Variants in DST observed in about 807,000 individuals in gnomAD.
DST encodes the protein bullous pemphigoid antigen.
Under a neutral mutation model 875.2 loss-of-function variants are expected in DST, and 253 were observed. The observed-to-expected ratio is 0.29, with a 90% CI of 0.26 to 0.32. DST has a LOEUF of 0.32. Among genes scored for constraint, DST ranks in the 10% least tolerant of loss-of-function variants. The pLI, the probability that DST is intolerant of heterozygous loss-of-function variation, is 1.00. For missense variants in DST, 8,287 were observed against 9,111.6 expected, an observed-to-expected ratio of 0.91 and a Z score of 3.68; for synonymous variants, 3,124 against 3,197.1, an observed-to-expected ratio of 0.98 and a Z score of 0.77.
chr6:56,782,610 G>C (rs866971427), intron 4 of DST, among the ~76,000 whole-genome samples: 72 of 151,972 alleles, frequency 4.7e-4, no homozygotes, highest in African/African-American at 1.4e-3. Flanking sequence ...TGATTCTTCT[G>C]TCTTTTTTTC....
rs765285817 is a variant in DST, at chr6:56,470,137, G to A, written c.22467C>T (p.Ile7489=). The A allele has an allele frequency of 2.1e-5, 34 of 1,612,198 alleles. No homozygotes were observed. Among genetic ancestry groups the A allele is most frequent in the African/African-American group, 2.7e-5 (2 of 74,982 alleles). ...AYKPITDADK[I]EDEVTRQVAK... is the part of the protein sequence containing the mutation. ...GGAAGATAATGAGTACCTCATCTTC[G>A]ATTTTGTCGGCATCTGTGATAGGTT... Residue 7489 remains isoleucine, a synonymous_variant, in exon 96 of 104, where the codon ATC becomes ATT. Transcript: ENST00000680361.
chr6:56,833,640 G>T (rs1200184846), intron 4 of DST, among the ~76,000 whole-genome samples: 4 of 151,952 alleles, frequency 2.6e-5, no homozygotes, highest in Admixed American at 2.0e-4. Context: ...AAAGCAAACT[G>T]TCAGATTGCT....
At position 56,516,644 on chromosome 6, in the gene DST, T is replaced by C. The variant is rs533371659; in HGVS notation, c.18357+554A>G. On this transcript the variant is annotated intron_variant, in intron 71 of 103. Coordinates refer to ENST00000680361, the MANE Select transcript of DST (RefSeq NM_001374736.1). ...CATCAATTTCTTCAGGCTGCTTAGA[T>C]GTCTGAATATGAATTGAACATTTTT... Among the ~76,000 whole-genome samples, 9 of 152,298 alleles carry C rather than the reference T, an allele frequency of 5.9e-5. No individual in the cohort carries two copies. In the East Asian group the frequency reaches 9.6e-4, roughly 16 times the overall value.
intron 4 of DST, among the ~76,000 whole-genome samples, chr6:56,794,903 C>A (rs1157676410): frequency 6.6e-6 from 1 of 152,092 alleles, no homozygotes; most frequent in Non-Finnish European, 1.5e-5. Flanking sequence ...CCCAGGAGTT[C>A]CCCCACTGCA....
chr6:56,593,290 C>T (rs896286625), intron 48 of DST, among the ~76,000 whole-genome samples: 2 of 151,938 alleles, frequency 1.3e-5, no homozygotes, highest in Non-Finnish European at 2.9e-5. Context: ...CCGAGGTGAG[C>T]GGATCACGAG....
At chr6:56,723,988 T>G (rs1234716397) in intron 5 of DST, among the ~76,000 whole-genome samples, 1 of 152,216 alleles carries the variant, frequency 6.6e-6, no homozygotes, top group African/African-American at 2.4e-5. Flanking sequence ...CCAAAAAACA[T>G]GTTTTTATTT....
At chr6:56,527,764 T>C (rs1471427617) in intron 67 of DST, 30 bp from the exon 68 acceptor site, 1 of 1,561,148 alleles carries the variant, frequency 6.4e-7, no homozygotes, top group African/African-American at 1.4e-5. Context: ...TTATTTCTTA[T>C]GAAGGAAAAA....
intron 4 of DST, among the ~76,000 whole-genome samples, chr6:56,814,977 G>C (rs2153040550): frequency 6.6e-6 from 1 of 152,268 alleles, no homozygotes; most frequent in Middle Eastern, 3.4e-3. Flanking sequence ...TGAGACATGA[G>C]GGGGCAAAGG....
intron 4 of DST, among the ~76,000 whole-genome samples, chr6:56,782,067 T>G (rs2099695235): frequency 6.6e-6 from 1 of 152,142 alleles, no homozygotes; most frequent in East Asian, 1.9e-4. Flanking sequence ...ATCCCAGGGA[T>G]GAAACCCACT....
At chr6:56,483,031 A>G (rs191008986) in intron 88 of DST, among the ~76,000 whole-genome samples, 154 bp from the exon 89 acceptor site, 2 of 152,368 alleles carry the variant, frequency 1.3e-5, no homozygotes, top group African/African-American at 2.4e-5. Context: ...TTCAGAAGAT[A>G]AATGACACAC....
intron 4 of DST, among the ~76,000 whole-genome samples, chr6:56,745,952 G>A (rs1179112276): frequency 3.3e-5 from 5 of 152,164 alleles, no homozygotes; most frequent in Non-Finnish European, 7.4e-5. Context: ...CTACCGTAAT[G>A]TGGGTGTGTA....
chr6:56,466,204 T>C lies in DST; in HGVS notation c.22570-9A>G. Reference sequence around the variant, plus strand: ...TGCTGGGAGTCTCCAAACTGTTCAGTGAAGAAAGAAAGAACCTCTAGTTGT... The same window carrying C: ...TGCTGGGAGTCTCCAAACTGTTCAGCGAAGAAAGAAAGAACCTCTAGTTGT... On this transcript the variant is annotated splice_polypyrimidine_tract_variant and intron_variant, in intron 98 of 103. Transcript: ENST00000680361. The C allele has an allele frequency of 6.4e-7, 1 of 1,570,288 alleles. No individual in the cohort carries two copies. The highest frequency in any genetic ancestry group is 1.9e-5 in the Admixed American group (1 of 53,844).
intron 2 of DST, among the ~76,000 whole-genome samples, chr6:56,902,748 G>T (rs1410089059): frequency 6.6e-6 from 1 of 152,198 alleles, no homozygotes; most frequent in Non-Finnish European, 1.5e-5. Context: ...CGTAACTCAG[G>T]AGGTACTACA....
chr6:56,798,253 G>C (rs996022821), intron 4 of DST, among the ~76,000 whole-genome samples: 7 of 152,184 alleles, frequency 4.6e-5, no homozygotes, highest in African/African-American at 1.7e-4. Flanking sequence ...CATAGTTGGA[G>C]AGAAGGCAAA....
chr6:56,720,371 T>A (rs1410695542), intron 5 of DST, among the ~76,000 whole-genome samples: 1 of 150,816 alleles, frequency 6.6e-6, no homozygotes, highest in Admixed American at 6.6e-5. Context: ...TTTTTTAGTA[T>A]TTATTGATCA....
At chr6:56,825,559 A>G (rs2099779447) in intron 4 of DST, among the ~76,000 whole-genome samples, 1 of 151,512 alleles carries the variant, frequency 6.6e-6, no homozygotes, top group South Asian at 2.1e-4. Flanking sequence ...TTTTGCAAAT[A>G]TCAAAAGTAT....
At chr6:56,655,457 CAA>C (rs1244426947) in intron 10 of DST, among the ~76,000 whole-genome samples, 1 of 152,002 alleles carries the variant, frequency 6.6e-6, no homozygotes, top group Non-Finnish European at 1.5e-5. Flanking sequence ...GGCCACAGTC[CAA>C]ATCGGGATTT....
intron 4 of DST, among the ~76,000 whole-genome samples, chr6:56,822,980 C>A (rs1226734325): frequency 2.0e-5 from 3 of 151,958 alleles, no homozygotes; most frequent in African/African-American, 7.3e-5. Context: ...CAGGTGCCCG[C>A]TACCAAGCCT....
At chr6:56,852,420 T>A (rs1243468864) in intron 3 of DST, among the ~76,000 whole-genome samples, 1 of 152,224 alleles carries the variant, frequency 6.6e-6, no homozygotes, top group Admixed American at 6.5e-5. Flanking sequence ...CTCCTGGTCA[T>A]TACACAGTGA....
Sources: gnomAD v4.1 joint callset for allele counts (sites outside exome capture counted in the v4.1 genomes callset) on GRCh38, gnomAD v4.1.1 for gene constraint, MANE v1.5 for transcripts, NCBI Gene and HGNC (gene_info 2026-07-23, HGNC 2026-07-21) for gene names.